Variants in CACNA2D2 observed in about 807,000 individuals in gnomAD.
CACNA2D2 encodes the protein voltage-dependent calcium channel subunit alpha-2/delta-2.
CACNA2D2 carries 48 observed loss-of-function variants against 166.4 expected under a neutral mutation model. The ratio of observed to expected loss-of-function variants is 0.29; its 90% CI spans 0.23 to 0.37. The LOEUF is 0.37. Among genes scored for constraint, CACNA2D2 ranks in the 10% least tolerant of loss-of-function variants. The probability of loss-of-function intolerance (pLI) is 1.00; values close to 1 mark genes in which losing one functional copy is unlikely to be tolerated. For synonymous variants in CACNA2D2, 561 were observed against 573.7 expected, an observed-to-expected ratio of 0.98 and a Z score of 0.32; for missense variants, 1,122 against 1,433.0, an observed-to-expected ratio of 0.78 and a Z score of 3.50.
intron 5 of CACNA2D2, among the ~76,000 whole-genome samples, chr3:50,386,902 C>G (rs1263879024): frequency 6.6e-6 from 1 of 152,172 alleles, no homozygotes; most frequent in Non-Finnish European, 1.5e-5. Flanking sequence ...TGCCCTACAC[C>G]CTCAGACACT....
chr3:50,503,599 C>A lies in CACNA2D2; in HGVS notation c.-176G>T, dbSNP rs1441789609. 12 of 165,344 alleles carry A rather than the reference C, an allele frequency of 7.3e-5. No homozygotes were observed. The highest frequency in any genetic ancestry group is 2.6e-3 in the Middle Eastern group (1 of 378). The allele number at this position is 165,344 out of a possible 1,614,324, so 10.2% of individuals were successfully genotyped here. On this transcript the variant is annotated 5_prime_UTR_variant, in exon 1 of 38. Transcript: ENST00000424201. ...CCGCAGCGCCTCTGCGGGCTGCGCG[C>A]TGCTATCTCCCTGCAGCGCTGGCTC...
intron 2 of CACNA2D2, among the ~76,000 whole-genome samples, chr3:50,458,704 G>A (rs767403152): frequency 7.2e-4 from 110 of 152,342 alleles, no homozygotes; most frequent in Non-Finnish European, 1.4e-3. Context: ...AGGAACAAAG[G>A]AAATGTGCAG....
intron 3 of CACNA2D2, among the ~76,000 whole-genome samples, chr3:50,417,584 G>A (rs1458249302): frequency 6.6e-6 from 1 of 152,192 alleles, no homozygotes; most frequent in Non-Finnish European, 1.5e-5. Context: ...TCAGGAAGCT[G>A]GATCACCGGT....
At chr3:50,501,961 C>T (rs1428936028) in intron 1 of CACNA2D2, among the ~76,000 whole-genome samples, 1 of 152,168 alleles carries the variant, frequency 6.6e-6, no homozygotes, top group Non-Finnish European at 1.5e-5. Flanking sequence ...AACTGATCAC[C>T]TGCCTGAGCA....
At chr3:50,434,561 G>C in intron 2 of CACNA2D2, 132 bp from the exon 3 acceptor site, 1 of 707,762 alleles carries the variant, frequency 1.4e-6, no homozygotes, top group Non-Finnish European at 2.5e-6. Flanking sequence ...TTTGGCCTCT[G>C]AGAGAGGGCA....
intron 6 of CACNA2D2, among the ~76,000 whole-genome samples, chr3:50,381,493 G>A (rs1705312194): frequency 6.6e-6 from 1 of 152,088 alleles, no homozygotes; most frequent in Non-Finnish European, 1.5e-5. Flanking sequence ...TCCCCCAGGA[G>A]CTCACCCATT....
chr3:50,371,952 GGT>G (rs1465912454), intron 22 of CACNA2D2, among the ~76,000 whole-genome samples: 1 of 151,784 alleles, frequency 6.6e-6, no homozygotes, highest in Non-Finnish European at 1.5e-5. Context: ...GGCCACTGGA[GGT>G]GGCTCTGATC....
rs1428813959 is a variant in CACNA2D2 at position 50,365,402 on chromosome 3, C to A, written c.3052G>T (p.Val1018Leu). The change falls in exon 35 of 38, where the codon GTA (valine) becomes TTA (leucine). Residue 1018 changes from valine to leucine, a missense_variant. Around this residue, in one of 2 missense-constraint regions of CACNA2D2, gnomAD observed 282 missense variants for 266.2 expected, o/e 1.06. Coordinates refer to ENST00000424201, the MANE Select transcript of CACNA2D2 (RefSeq NM_006030.4). The surrounding 1 kb of genome is among the most constrained non-coding windows in gnomAD (Gnocchi z 4.5). ...MKQTQYYFGS[V>L]NASYNAIIDC... Reference sequence around the variant, plus strand: ...ATGATGGCGTTGTAGGAGGCGTTTACCGAGCCGAAGTAGTACTGGGTCTGT... The same window carrying A: ...ATGATGGCGTTGTAGGAGGCGTTTAACGAGCCGAAGTAGTACTGGGTCTGT... 95 of 1,613,518 alleles carry A rather than the reference C, an allele frequency of 5.9e-5. No homozygotes were observed. The highest frequency in any genetic ancestry group is 8.0e-5 in the Non-Finnish European group (94 of 1,179,864).
At chr3:50,490,851 G>A (rs1300850169) in intron 1 of CACNA2D2, among the ~76,000 whole-genome samples, 1 of 152,240 alleles carries the variant, frequency 6.6e-6, no homozygotes, top group African/African-American at 2.4e-5. Flanking sequence ...AGGGAGGACA[G>A]GGGCTTGAAG....
At chr3:50,386,046 TA>T (rs983423475) in intron 5 of CACNA2D2, among the ~76,000 whole-genome samples, 36 of 152,072 alleles carry the variant, frequency 2.4e-4, no homozygotes, top group African/African-American at 8.4e-4. Context: ...TGGCAAAGAT[TA>T]AAAAAACAAA....
Position 50,363,602 on chromosome 3 carries a change from G to C in CACNA2D2, c.*1064C>G, listed in dbSNP as rs1704048285. 1 of 256,814 alleles carries C rather than the reference G, an allele frequency of 3.9e-6. No homozygotes were observed. The highest frequency in any genetic ancestry group is 1.7e-4 in the South Asian group (1 of 5,828). 15.9% of individuals were successfully genotyped at this position (256,814 alleles called of 1,614,324 possible). On this transcript the variant is annotated 3_prime_UTR_variant, in exon 38 of 38. Coordinates refer to ENST00000424201, the MANE Select transcript of CACNA2D2 (RefSeq NM_006030.4). ...TGAGTGTGTAAGGGCCAGATTGGCG[G>C]AAGGATGGCCCAGCCAGGAGAGACA...
chr3:50,397,215 A>G (rs1403353961), intron 3 of CACNA2D2, among the ~76,000 whole-genome samples: 3 of 152,256 alleles, frequency 2.0e-5, no homozygotes, highest in Non-Finnish European at 2.9e-5. Flanking sequence ...TGACTCGTGA[A>G]TAACGGAGTC....
rs368550476 is a variant in CACNA2D2 at position 50,471,470 on chromosome 3, C to T, written c.288+4648G>A. On this transcript the variant is annotated intron_variant, in intron 2 of 37. Transcript: ENST00000424201. ...CTTCCTTCTTCCTCTTCTGCTCCAG[C>T]CCCTCTTAGGTTCTGAGGTTCCCTG... 1.4e-3 allele frequency among the ~76,000 whole-genome samples: 207 copies of T among 152,312 alleles called. 1 individual carries two copies. The highest frequency in any genetic ancestry group is 7.3e-3 in the East Asian group (38 of 5,180).
At chr3:50,403,823 C>A (rs1214636479) in intron 3 of CACNA2D2, among the ~76,000 whole-genome samples, 4 of 152,224 alleles carry the variant, frequency 2.6e-5, no homozygotes, top group African/African-American at 9.6e-5. Flanking sequence ...CCTCCCCTGG[C>A]TAGCTCCTCC....
At chr3:50,458,394 G>C (rs1709458920) in intron 2 of CACNA2D2, among the ~76,000 whole-genome samples, 1 of 152,230 alleles carries the variant, frequency 6.6e-6, no homozygotes, top group South Asian at 2.1e-4. Context: ...GTACAGGGCA[G>C]CAGTTCTCAA....
chr3:50,370,486 A>AGGGG (rs1575590571), intron 22 of CACNA2D2, 106 bp from the exon 23 acceptor site: 2 of 112,186 alleles, frequency 1.8e-5, no homozygotes, highest in Non-Finnish European at 3.7e-5. Context: ...GGCTGGAGGG[A>AGGGG]GGGGGAGACA....
intron 1 of CACNA2D2, among the ~76,000 whole-genome samples, chr3:50,487,550 G>A (rs567167385): frequency 6.6e-6 from 1 of 152,170 alleles, no homozygotes. Context: ...GCCTTGACAC[G>A]CCATGAACCT....
At chr3:50,491,405 C>G (rs894356728) in intron 1 of CACNA2D2, among the ~76,000 whole-genome samples, 11 of 152,200 alleles carry the variant, frequency 7.2e-5, no homozygotes, top group Non-Finnish European at 1.5e-4. Flanking sequence ...GGGAGGCCCA[C>G]AGACCCTACT....
intron 1 of CACNA2D2, among the ~76,000 whole-genome samples, chr3:50,501,196 G>C (rs1406267739): frequency 6.6e-6 from 1 of 152,142 alleles, no homozygotes; most frequent in Non-Finnish European, 1.5e-5. Flanking sequence ...TTTCTTACCA[G>C]TTCAACAAAA....
Sources: gnomAD v4.1 joint callset for allele counts (sites outside exome capture counted in the v4.1 genomes callset) on GRCh38, gnomAD v4.1.1 for gene constraint, gnomAD v4.1.1 regional missense constraint, Gnocchi (gnomAD v3.1) non-coding constraint, MANE v1.5 for transcripts, NCBI Gene and HGNC (gene_info 2026-07-23, HGNC 2026-07-21) for gene names.